Variants in SPTLC3 observed in about 807,000 individuals in gnomAD.
SPTLC3 encodes the protein serine palmitoyltransferase long chain base subunit 3.
SPTLC3 carries 36 observed loss-of-function variants against 59.3 expected under a neutral mutation model. The observed-to-expected ratio is 0.61, with a 90% CI of 0.47 to 0.80. The LOEUF (loss-of-function observed/expected upper bound fraction) is 0.80, where lower values mean the gene tolerates loss of function less well. SPTLC3 is among the 30% of genes least tolerant of loss of function. The pLI is 0.00. For missense variants in SPTLC3, 625 were observed against 685.1 expected (o/e 0.91, Z 0.98); for synonymous variants, 257 against 240.8 (o/e 1.07, Z -0.62).
intron 6 of SPTLC3, among the ~76,000 whole-genome samples, chr20:13,094,526 C>T (rs1015179567): frequency 6.6e-6 from 1 of 152,140 alleles, no homozygotes; most frequent in African/African-American, 2.4e-5. Flanking sequence ...TAGCTCTCCC[C>T]TCCATCCTCC....
chr20:13,107,724 C>T (rs1044281927), intron 6 of SPTLC3, among the ~76,000 whole-genome samples: 1 of 151,362 alleles, frequency 6.6e-6, no homozygotes, highest in Admixed American at 6.6e-5. Context: ...TGACAAAGCA[C>T]CTAAAGAGTT....
At chr20:13,120,191 GT>G (rs1438947037) in intron 8 of SPTLC3, among the ~76,000 whole-genome samples, 2 of 152,156 alleles carry the variant, frequency 1.3e-5, no homozygotes, top group African/African-American at 4.8e-5. Context: ...TAAGAGTAGA[GT>G]TTTCAAACTC....
chr20:13,148,017 G>A (rs990110250), intron 9 of SPTLC3, among the ~76,000 whole-genome samples: 2 of 152,160 alleles, frequency 1.3e-5, no homozygotes, highest in Admixed American at 6.6e-5. Context: ...TTAGGATTAC[G>A]GGGGAAATGC....
chr20:13,069,076 G>A (rs1988340938), intron 2 of SPTLC3, among the ~76,000 whole-genome samples: 2 of 152,188 alleles, frequency 1.3e-5, no homozygotes, highest in East Asian at 1.9e-4. Flanking sequence ...GGGAAGCCAT[G>A]GGCTGTTTTT....
chr20:13,142,584 G>A (rs1382673707), intron 9 of SPTLC3, among the ~76,000 whole-genome samples: 1 of 152,110 alleles, frequency 6.6e-6, no homozygotes, highest in Non-Finnish European at 1.5e-5. Context: ...TCTACATTAC[G>A]AATTACCACA....
intron 9 of SPTLC3, among the ~76,000 whole-genome samples, chr20:13,152,726 T>C (rs1319955330): frequency 6.6e-6 from 1 of 152,076 alleles, no homozygotes; most frequent in Admixed American, 6.6e-5. Flanking sequence ...TACCACCTTG[T>C]AGAAAAGAGG....
At chr20:13,025,506 T>G (rs551242579) in intron 1 of SPTLC3, among the ~76,000 whole-genome samples, 1 of 152,286 alleles carries the variant, frequency 6.6e-6, no homozygotes, top group Admixed American at 6.5e-5. Context: ...ATGAGGTGAA[T>G]AGTAGTGCCT....
At chr20:13,043,815 C>G (rs1402168021) in intron 1 of SPTLC3, among the ~76,000 whole-genome samples, 2 of 152,190 alleles carry the variant, frequency 1.3e-5, no homozygotes, top group African/African-American at 4.8e-5. Flanking sequence ...TTTAATAAGT[C>G]ATCTCAGCTC....
intron 6 of SPTLC3, among the ~76,000 whole-genome samples, chr20:13,100,920 C>G (rs1406053656): frequency 6.6e-6 from 1 of 152,126 alleles, no homozygotes; most frequent in Non-Finnish European, 1.5e-5. Context: ...CCTTGAGACA[C>G]GGATGTAATC....
At chr20:13,062,671 TAACTA>T (rs1988019096) in intron 2 of SPTLC3, among the ~76,000 whole-genome samples, 1 of 152,212 alleles carries the variant, frequency 6.6e-6, no homozygotes, top group Non-Finnish European at 1.5e-5. Flanking sequence ...TCTGTGCACT[TAACTA>T]CACTTAACGT....
chr20:13,156,661 T>C (rs377191993), intron 10 of SPTLC3, among the ~76,000 whole-genome samples: 5 of 152,364 alleles, frequency 3.3e-5, no homozygotes, highest in East Asian at 1.9e-4. Flanking sequence ...TTAGCTTTCA[T>C]TATTAATAGC....
chr20:13,119,795 A>AG (rs897225657), intron 8 of SPTLC3, among the ~76,000 whole-genome samples: 23 of 152,340 alleles, frequency 1.5e-4, no homozygotes, highest in Admixed American at 1.3e-4. Flanking sequence ...TTGAAAACAT[A>AG]GGGGCTGTTT....
At chr20:13,069,518 G>T (rs184081572) in intron 2 of SPTLC3, among the ~76,000 whole-genome samples, 1 of 152,092 alleles carries the variant, frequency 6.6e-6, no homozygotes, top group Non-Finnish European at 1.5e-5. Flanking sequence ...CCTCGCATGC[G>T]CAGTTCACAA....
intron 4 of SPTLC3, among the ~76,000 whole-genome samples, chr20:13,076,445 AC>A (rs1988647932): frequency 1.3e-5 from 2 of 152,202 alleles, no homozygotes; most frequent in African/African-American, 4.8e-5. Flanking sequence ...CTTCTTGAGA[AC>A]CTACAAGTTC....
At chr20:13,150,149 T>C in intron 9 of SPTLC3, among the ~76,000 whole-genome samples, 1 of 152,218 alleles carries the variant, frequency 6.6e-6, no homozygotes, top group East Asian at 1.9e-4. Context: ...CCTTTCCTTC[T>C]GTCCACAATC....
At chr20:13,160,789 A>G (rs2038880257) in intron 11 of SPTLC3, among the ~76,000 whole-genome samples, 1 of 152,254 alleles carries the variant, frequency 6.6e-6, no homozygotes, top group Non-Finnish European at 1.5e-5. Context: ...AACAAGCAAC[A>G]CATATAATAC....
At chr20:13,016,349 G>T (rs3848763) in intron 1 of SPTLC3, among the ~76,000 whole-genome samples, 393 of 152,272 alleles carry the variant, frequency 2.6e-3, no homozygotes, top group African/African-American at 8.8e-3. Flanking sequence ...AATGATAATA[G>T]TAAAGCTAAT....
At chr20:13,134,092 G>T (rs760232380) in intron 9 of SPTLC3, among the ~76,000 whole-genome samples, 1 of 152,154 alleles carries the variant, frequency 6.6e-6, no homozygotes, top group Non-Finnish European at 1.5e-5. Flanking sequence ...AAACTGTCAC[G>T]GTCAGGTGTA....
At chr20:13,061,455 G>A (rs1294195976) in intron 2 of SPTLC3, among the ~76,000 whole-genome samples, 1 of 152,132 alleles carries the variant, frequency 6.6e-6, no homozygotes, top group African/African-American at 2.4e-5. Context: ...GCCACCACGG[G>A]ACAGGTGTCT....
Sources: gnomAD v4.1 joint callset for allele counts (sites outside exome capture counted in the v4.1 genomes callset) on GRCh38, gnomAD v4.1.1 for gene constraint, MANE v1.5 for transcripts, NCBI Gene and HGNC (gene_info 2026-07-23, HGNC 2026-07-21) for gene names.